Variants in RAB3B observed in about 807,000 individuals in gnomAD.
RAB3B encodes ras-related protein Rab-3B.
A neutral mutation model predicts 20.5 loss-of-function variants in RAB3B; 11 were observed. The ratio of observed to expected loss-of-function variants is 0.54; its 90% confidence interval spans 0.34 to 0.89. RAB3B has a LOEUF of 0.89. Among genes scored for constraint, RAB3B ranks in the 40% least tolerant of loss-of-function variants. The probability of loss-of-function intolerance (pLI) is 0.02; values close to 1 mark genes in which losing one functional copy is unlikely to be tolerated. For missense variants in RAB3B, 225 were observed against 280.9 expected (o/e 0.80, Z 1.42); for synonymous variants, 99 against 106.3 (o/e 0.93, Z 0.42).
chr1:51,955,676 A>T (rs899190961), intron 2 of RAB3B, among the ~76,000 whole-genome samples: 1 of 152,204 alleles, frequency 6.6e-6, no homozygotes, highest in African/African-American at 2.4e-5. Context: ...CTAGAATTAC[A>T]GGCATAAGCC....
chr1:51,966,749 T>C (rs915987895), intron 2 of RAB3B, among the ~76,000 whole-genome samples: 1 of 152,174 alleles, frequency 6.6e-6, no homozygotes, highest in Non-Finnish European at 1.5e-5. Context: ...CTGATTATCA[T>C]AAGAGCTGAG....
At chr1:51,947,989 C>A (rs1684587376) in intron 2 of RAB3B, among the ~76,000 whole-genome samples, 1 of 152,102 alleles carries the variant, frequency 6.6e-6, no homozygotes, top group South Asian at 2.1e-4. Context: ...GTAATTTCTA[C>A]CCACTGATTT....
intron 1 of RAB3B, among the ~76,000 whole-genome samples, chr1:51,987,511 G>A (rs923805619): frequency 1.3e-5 from 2 of 152,072 alleles, no homozygotes; most frequent in Non-Finnish European, 2.9e-5. Flanking sequence ...GTGCTTCATG[G>A]TTTCTTCTAG....
intron 4 of RAB3B, among the ~76,000 whole-genome samples, chr1:51,922,422 GT>G (rs1684184142): frequency 6.6e-6 from 1 of 152,198 alleles, no homozygotes. Flanking sequence ...TCTTGGACAA[GT>G]TGCCTAATTG....
In RAB3B at chr1:51,912,048, T is replaced by C. The variant is rs1684005398; in HGVS notation, c.*7879A>G. Reference sequence around the variant, plus strand: ...CTAGAAACAGAATCAATAAAATAGGTATTAATAATAATGGAAGTCTCTGAA... The same window carrying C: ...CTAGAAACAGAATCAATAAAATAGGCATTAATAATAATGGAAGTCTCTGAA... On this transcript the variant is annotated 3_prime_UTR_variant, in exon 5 of 5. Coordinates refer to ENST00000371655, the MANE Select transcript of RAB3B (RefSeq NM_002867.4). The C allele has an allele frequency of 6.6e-6, 1 of 152,000 alleles. No homozygotes were observed. Among genetic ancestry groups the C allele is most frequent in the South Asian group, 2.1e-4 (1 of 4,818 alleles). The allele number at this position is 152,000 out of a possible 1,614,324, so 9.4% of individuals were successfully genotyped here.
intron 2 of RAB3B, among the ~76,000 whole-genome samples, chr1:51,968,842 TTC>T (rs1684890640): frequency 6.6e-6 from 1 of 152,228 alleles, no homozygotes; most frequent in African/African-American, 2.4e-5. Flanking sequence ...CTTGACCTTG[TTC>T]TCAGTTCCTG....
At chr1:51,980,854 T>A (rs769672996) in intron 1 of RAB3B, 4 of 679,504 alleles carry the variant, frequency 5.9e-6, no homozygotes, top group African/African-American at 3.6e-5. Flanking sequence ...AGATGGACTA[T>A]TTCCTGGAGA....
In RAB3B at chr1:51,967,516, TTTTTC is replaced by T. The variant is rs1354932637; in HGVS notation, c.228+9369_228+9373del. ...GTATTTTCCTTTTTCTTTTCTTTTC[TTTTTC>T]TTTTTTTTTTTTTTTTTTGAGATAG... On this transcript the variant is annotated intron_variant, in intron 2 of 4. Coordinates refer to ENST00000371655, the MANE Select transcript of RAB3B (RefSeq NM_002867.4). Among the ~76,000 whole-genome samples, 225 of 67,316 alleles carry T rather than the reference TTTTTC, an allele frequency of 3.3e-3. 2 individuals are homozygous for T. Among genetic ancestry groups the T allele is most frequent in the African/African-American group, 9.8e-3 (219 of 22,236 alleles). 44.2% of individuals were successfully genotyped at this position (67,316 alleles called of 152,430 possible). A position where few individuals can be genotyped will look rare whatever the true frequency, so the allele number is the denominator to read the frequency against.
chr1:51,921,541 C>G (rs1684172434), intron 4 of RAB3B, among the ~76,000 whole-genome samples: 1 of 151,990 alleles, frequency 6.6e-6, no homozygotes, highest in South Asian at 2.1e-4. Flanking sequence ...CCTGATTATA[C>G]CTTTTTCTTC....
chr1:51,981,083 T>G (rs932989193), intron 1 of RAB3B, among the ~76,000 whole-genome samples: 3 of 152,128 alleles, frequency 2.0e-5, no homozygotes, highest in Non-Finnish European at 4.4e-5. Context: ...CAGGCTGGAG[T>G]GCAATGGCAC....
intron 3 of RAB3B, among the ~76,000 whole-genome samples, chr1:51,934,775 C>CAAAAAA (rs34750673): frequency 7.2e-5 from 5 of 69,886 alleles, no homozygotes; most frequent in African/African-American, 1.2e-4. Context: ...GACTCCATCT[C>CAAAAAA]AAAAAAAAAA....
rs917295650 is a variant in RAB3B, at chr1:51,913,697, C to T, written c.*6230G>A. On this transcript the variant is annotated 3_prime_UTR_variant, in exon 5 of 5. Transcript: ENST00000371655. ...ATGTTGGCCAGGCTGGTCTGGAACT[C>T]CTGACCTCAAATGATCCGCATGCCT... 2 of 152,176 alleles carry T rather than the reference C, an allele frequency of 1.3e-5. No individual in the cohort carries two copies. The highest frequency in any genetic ancestry group is 2.4e-5 in the African/African-American group (1 of 41,438). 9.4% of individuals were successfully genotyped at this position (152,176 alleles called of 1,614,324 possible).
intron 2 of RAB3B, among the ~76,000 whole-genome samples, chr1:51,945,588 A>AC: frequency 6.6e-6 from 1 of 152,200 alleles, no homozygotes; most frequent in African/African-American, 2.4e-5. Context: ...AAATGCTTAG[A>AC]ACAGTTCCTG....
rs1683946418 is a variant in RAB3B, at chr1:51,908,250, CTGA to C, written c.*11674_*11676del. The C allele has an allele frequency of 6.6e-6, 1 of 152,044 alleles. No individual in the cohort carries two copies. Among genetic ancestry groups the C allele is most frequent in the Non-Finnish European group, 1.5e-5 (1 of 68,006 alleles). 9.4% of individuals were successfully genotyped at this position (152,044 alleles called of 1,614,324 possible). On this transcript the variant is annotated 3_prime_UTR_variant, in exon 5 of 5. Transcript: ENST00000371655. Reference sequence around the variant, plus strand: ...ATGAGAACATCTGCTTAGTTAGAATCTGATGAGGAGAGACGTGAGAGCTATTGT... The same window carrying C: ...ATGAGAACATCTGCTTAGTTAGAATCTGAGGAGAGACGTGAGAGCTATTGT...
intron 2 of RAB3B, among the ~76,000 whole-genome samples, chr1:51,950,646 G>A (rs2124275406): frequency 6.6e-6 from 1 of 152,270 alleles, no homozygotes; most frequent in Middle Eastern, 3.4e-3. Context: ...CACACAAAAA[G>A]TGAGAGGTTA....
At chr1:51,940,626 A>T (rs926144599) in intron 2 of RAB3B, among the ~76,000 whole-genome samples, 1 of 146,880 alleles carries the variant, frequency 6.8e-6, no homozygotes, top group Non-Finnish European at 1.5e-5. Context: ...TCTCAAAAGG[A>T]AAAAAAAAAA....
At chr1:51,946,577 G>C (rs1571966570) in intron 2 of RAB3B, among the ~76,000 whole-genome samples, 1 of 152,198 alleles carries the variant, frequency 6.6e-6, no homozygotes, top group South Asian at 2.1e-4. Flanking sequence ...GAACAGACAC[G>C]AGAGTGAGCA....
intron 1 of RAB3B, chr1:51,980,339 T>G (rs1449462941): frequency 6.5e-6 from 2 of 305,626 alleles, no homozygotes; most frequent in African/African-American, 2.2e-5. Context: ...GAAGCAGGAG[T>G]ATTATTTGAG....
chr1:51,971,112 C>T (rs1684926854), intron 2 of RAB3B, among the ~76,000 whole-genome samples: 1 of 151,978 alleles, frequency 6.6e-6, no homozygotes, highest in South Asian at 2.1e-4. Context: ...TATTGCATTC[C>T]CCAGACACAG....
Sources: allele counts gnomAD v4.1 joint callset (sites outside exome capture counted in the v4.1 genomes callset), GRCh38; gene constraint gnomAD v4.1.1; transcripts MANE v1.5; gene names NCBI Gene and HGNC (gene_info 2026-07-23, HGNC 2026-07-21).